ZNF676: variants seen among roughly 807,000 people sequenced by gnomAD.
The protein encoded by ZNF676 is zinc finger protein 676.
ZNF676 carries 4 observed loss-of-function variants against 6.0 expected under a neutral mutation model. The ratio of observed to expected loss-of-function variants is 0.67; its 90% confidence interval spans 0.33 to 1.53. The LOEUF (loss-of-function observed/expected upper bound fraction) is 1.53. Among genes scored for constraint, ZNF676 ranks in the 40% most tolerant of loss-of-function variants. The pLI, the probability that ZNF676 is intolerant of heterozygous loss-of-function variation, is 0.06. For missense variants in ZNF676, 644 were observed against 679.7 expected (o/e 0.95, Z 0.58); for synonymous variants, 198 against 223.1 (o/e 0.89, Z 1.00).
the ZNF676 span, among the ~76,000 whole-genome samples, chr19:22,254,197 C>A: frequency 1.3e-5 from 2 of 152,008 alleles, no homozygotes; most frequent in African/African-American, 4.8e-5. Context: ...ATTACAATCC[C>A]CTCTTAAAGC....
At chr19:22,256,736 T>C in the ZNF676 span, among the ~76,000 whole-genome samples, 241 of 151,754 alleles carry the variant, frequency 1.6e-3, no homozygotes, top group South Asian at 6.0e-3. Flanking sequence ...CTGGGTCCAG[T>C]GATTCATTAC....
the ZNF676 span, among the ~76,000 whole-genome samples, chr19:22,237,333 T>G: frequency 6.6e-6 from 1 of 152,212 alleles, no homozygotes; most frequent in East Asian, 1.9e-4. Context: ...TCCTACTTAG[T>G]GGGTCCAAAT....
At chr19:22,252,326 C>T in the ZNF676 span, among the ~76,000 whole-genome samples, 34,373 of 148,202 alleles carry the variant, frequency 0.23, 4,187 homozygotes, top group South Asian at 0.38. Context: ...ACCCAGGAGG[C>T]GGAAGCTGCA....
At chr19:22,216,414 A>G (rs1357514463), upstream of ZNF676, among the ~76,000 whole-genome samples, 2 of 150,578 alleles carry the variant, frequency 1.3e-5, no homozygotes, top group African/African-American at 4.8e-5. Context: ...CGGCCTGGGC[A>G]ACAAGAGTGA....
the ZNF676 span, among the ~76,000 whole-genome samples, chr19:22,253,678 T>C: frequency 1.3e-5 from 2 of 151,896 alleles, no homozygotes; most frequent in African/African-American, 4.8e-5. Context: ...TGAGTCACCA[T>C]GTCAACTGTA....
At chr19:22,225,434 C>T in the ZNF676 span, among the ~76,000 whole-genome samples, 15 of 152,244 alleles carry the variant, frequency 9.9e-5, no homozygotes, top group East Asian at 2.9e-3. Flanking sequence ...ATGTCTCCTC[C>T]AGGTTCTGTG....
At chr19:22,196,983 G>T, upstream of ZNF676, 1 of 361,842 alleles carries the variant, frequency 2.8e-6, no homozygotes, top group South Asian at 3.4e-5. Flanking sequence ...TAAAATTGAG[G>T]GCAAAAACAC....
At chr19:22,235,153 A>AAGG in the ZNF676 span, among the ~76,000 whole-genome samples, 1 of 150,120 alleles carries the variant, frequency 6.7e-6, no homozygotes, top group East Asian at 2.0e-4. Context: ...GGAAGGAAGG[A>AAGG]AAGAAAGAAA....
At chr19:22,217,601 C>CA (rs145636144), upstream of ZNF676, among the ~76,000 whole-genome samples, 62,853 of 139,182 alleles carry the variant, frequency 0.45, 14,025 homozygotes, top group African/African-American at 0.6. Context: ...GTTCTTTTTT[C>CA]CTTTTTTTTT....
At chr19:22,217,775 C>T (rs544998515), upstream of ZNF676, among the ~76,000 whole-genome samples, 13 of 152,160 alleles carry the variant, frequency 8.5e-5, 1 homozygote, top group South Asian at 2.7e-3. Context: ...GCGATCTTGG[C>T]TTACTGCAAC....
intron 1 of ZNF676, among the ~76,000 whole-genome samples, chr19:22,214,915 C>G (rs2024167129): frequency 6.6e-6 from 1 of 151,352 alleles, no homozygotes; most frequent in African/African-American, 2.4e-5. Flanking sequence ...TTGGCGGGCA[C>G]CTGCAGTCGC....
rs751897601 is a variant in ZNF676 at position 22,192,990 on chromosome 19, T to C, written c.130+26A>G. 8 of 1,586,442 alleles carry C rather than the reference T, an allele frequency of 5.0e-6. No individual in the cohort carries two copies. The South Asian group carries it at 8.2e-5, about 16-fold the overall frequency. On this transcript the variant is annotated intron_variant, in intron 2 of 2. Coordinates refer to ENST00000397121, the MANE Select transcript of ZNF676 (RefSeq NM_001001411.3). Reference sequence around the variant, plus strand: ...TCATTGACTTTGGACTTCTCATTCATGTTGTCTGTATTCACTCTCACCTAC... The same window carrying C: ...TCATTGACTTTGGACTTCTCATTCACGTTGTCTGTATTCACTCTCACCTAC...
chr19:22,182,493 G>A (rs2023769480), intron 2 of ZNF676, among the ~76,000 whole-genome samples: 1 of 143,194 alleles, frequency 7.0e-6, no homozygotes, highest in Non-Finnish European at 1.5e-5. Flanking sequence ...TATAGAAAAT[G>A]AGAAAAATGA....
intron 1 of ZNF676, among the ~76,000 whole-genome samples, chr19:22,215,293 C>G (rs1436516361): frequency 1.3e-5 from 2 of 152,062 alleles, no homozygotes; most frequent in Non-Finnish European, 2.9e-5. Context: ...CCTCACGGAC[C>G]AAAGCTCTTC....
At chr19:22,200,515 ATTTT>A (rs3035052), upstream of ZNF676, among the ~76,000 whole-genome samples, 3 of 105,848 alleles carry the variant, frequency 2.8e-5, no homozygotes, top group Non-Finnish European at 5.3e-5. Context: ...TGCTTCATCA[ATTTT>A]TTTTTTTTTT....
At chr19:22,182,485 T>C (rs994163355) in intron 2 of ZNF676, among the ~76,000 whole-genome samples, 4 of 143,648 alleles carry the variant, frequency 2.8e-5, no homozygotes, top group African/African-American at 5.2e-5. Flanking sequence ...CAAAAGACTA[T>C]AGAAAATGAG....
intron 2 of ZNF676, among the ~76,000 whole-genome samples, chr19:22,183,574 G>T (rs1441069635): frequency 6.6e-6 from 1 of 152,150 alleles, no homozygotes; most frequent in Non-Finnish European, 1.5e-5. Flanking sequence ...CTCACACCTT[G>T]GGTGATCCAC....
the ZNF676 span, among the ~76,000 whole-genome samples, chr19:22,245,955 C>T: frequency 6.6e-6 from 1 of 152,084 alleles, no homozygotes; most frequent in Non-Finnish European, 1.5e-5. Flanking sequence ...AGAGATAAGC[C>T]AAAAGGTTCC....
chr19:22,245,300 A>C, the ZNF676 span: 9 of 152,134 alleles, frequency 5.9e-5, no homozygotes, highest in African/African-American at 2.2e-4. Context: ...GTACAAAAAC[A>C]AGGCAGAAGA....
Sources: allele counts gnomAD v4.1 joint callset (sites outside exome capture counted in the v4.1 genomes callset), GRCh38; gene constraint gnomAD v4.1.1; transcripts MANE v1.5; gene names NCBI Gene and HGNC (gene_info 2026-07-23, HGNC 2026-07-21).